Variants in NUFIP1 observed in about 807,000 individuals in gnomAD.
NUFIP1 encodes FMR1-interacting protein NUFIP1.
Under a neutral mutation model 56.2 loss-of-function variants are expected in NUFIP1, and 38 were observed. The ratio of observed to expected loss-of-function variants is 0.68; its 90% confidence interval spans 0.52 to 0.89. The LOEUF (loss-of-function observed/expected upper bound fraction) is 0.89, where lower values mean the gene tolerates loss of function less well. NUFIP1 is among the 40% of genes least tolerant of loss of function. The pLI, the probability that NUFIP1 is intolerant of heterozygous loss-of-function variation, is 0.00. For missense variants in NUFIP1, 567 were observed against 605.8 expected, an observed-to-expected ratio of 0.94 and a Z score of 0.67; for synonymous variants, 215 against 212.4, an observed-to-expected ratio of 1.01 and a Z score of -0.10.
chr13:44,972,648 A>G (rs1389093060), intron 5 of NUFIP1, among the ~76,000 whole-genome samples: 2 of 152,230 alleles, frequency 1.3e-5, no homozygotes, highest in Non-Finnish European at 2.9e-5. Context: ...ATATACATTA[A>G]GATAAACTGG....
chr13:44,976,937 T>G (rs1284356751), intron 5 of NUFIP1, among the ~76,000 whole-genome samples: 1 of 152,180 alleles, frequency 6.6e-6, no homozygotes, highest in East Asian at 1.9e-4. Context: ...CATGAATGAA[T>G]TAATCCATTT....
At chr13:44,970,175 T>G (rs1871752615) in intron 5 of NUFIP1, among the ~76,000 whole-genome samples, 1 of 152,210 alleles carries the variant, frequency 6.6e-6, no homozygotes, top group East Asian at 1.9e-4. Flanking sequence ...CATACAGCAT[T>G]GGTACTACAT....
chr13:44,945,030 A>G (rs1870863971), intron 8 of NUFIP1, among the ~76,000 whole-genome samples: 1 of 152,014 alleles, frequency 6.6e-6, no homozygotes, highest in African/African-American at 2.4e-5. Flanking sequence ...CTAAAAAGTG[A>G]AAATCAGTGG....
In NUFIP1 at chr13:44,939,945, C is replaced by A. The variant is rs1253810750; in HGVS notation, c.*1261G>T. ...CAAACTGTGTTATATTTTAGAATAT[C>A]AACTCAGTTGTAACACTAGTTACTT... On this transcript the variant is annotated 3_prime_UTR_variant, in exon 10 of 10. Coordinates refer to ENST00000379161, the MANE Select transcript of NUFIP1 (RefSeq NM_012345.3). 1 of 152,026 alleles carries A rather than the reference C, an allele frequency of 6.6e-6. No individual in the cohort carries two copies. The highest frequency in any genetic ancestry group is 1.5e-5 in the Non-Finnish European group (1 of 67,968). The allele number at this position is 152,026 out of a possible 1,614,324, so 9.4% of individuals were successfully genotyped here. A position where few individuals can be genotyped will look rare whatever the true frequency, so the allele number is the denominator to read the frequency against.
chr13:44,960,916 G>A (rs998583996), intron 6 of NUFIP1, among the ~76,000 whole-genome samples: 3 of 152,026 alleles, frequency 2.0e-5, no homozygotes, highest in African/African-American at 4.8e-5. Flanking sequence ...AGCTGGGCAC[G>A]GTAGCAGGTG....
Position 44,989,240 on chromosome 13 carries a change from T to C in NUFIP1, c.197A>G (p.Gln66Arg). The change falls in exon 1 of 10, where the codon CAG becomes CGG. Residue 66 changes from glutamine to arginine, a missense_variant. Transcript: ENST00000379161. ...AAGSKPSSES[Q>R]PPMEAQSLPG... ...GAGAGACTGGGCCTCCATGGGGGGC[T>C]GCGACTCAGAGGAAGGCTTTGACCC... 1 of 1,612,676 alleles carries C rather than the reference T, an allele frequency of 6.2e-7. No individual in the cohort carries two copies.
At chr13:44,963,500 G>A (rs370444539) in intron 6 of NUFIP1, among the ~76,000 whole-genome samples, 2 of 152,138 alleles carry the variant, frequency 1.3e-5, no homozygotes, top group African/African-American at 4.8e-5. Context: ...CATTAAGTAC[G>A]ATGTGGCTAC....
At chr13:44,960,911 G>C (rs566643453) in intron 6 of NUFIP1, among the ~76,000 whole-genome samples, 5 of 152,130 alleles carry the variant, frequency 3.3e-5, no homozygotes, top group Non-Finnish European at 7.4e-5. Flanking sequence ...AAATAAGCTG[G>C]GCACGGTAGC....
chr13:44,952,908 T>C (rs370442074), intron 7 of NUFIP1, among the ~76,000 whole-genome samples: 16 of 152,330 alleles, frequency 1.1e-4, no homozygotes, highest in African/African-American at 3.6e-4. Context: ...CTTGATACTT[T>C]GAAGATTATT....
At position 44,989,382 on chromosome 13, in the gene NUFIP1, C is replaced by A. The variant is rs1265846708; in HGVS notation, c.55G>T (p.Glu19Ter). 1 of 1,613,310 alleles carries A rather than the reference C, an allele frequency of 6.2e-7. No individual in the cohort carries two copies. The highest frequency in any genetic ancestry group is 1.3e-5 in the African/African-American group (1 of 74,874). The change falls in exon 1 of 10, where the codon GAG (glutamate) becomes TAG (stop). Residue 19 changes from glutamate (E) to a stop codon, truncating the protein, a stop_gained. Transcript: ENST00000379161. LOFTEE classifies it high-confidence loss of function. ...ETPIGWHASP[E>*]LTPTLGPLSD... ...AGGGGCCCTAACGTGGGAGTCAGCT[C>A]GGGAGACGCATGCCACCCGATAGGA... is the stretch of plus-strand genomic sequence containing the variant.
At position 44,949,936 on chromosome 13, in the gene NUFIP1, G is replaced by C. The variant is rs887897829; in HGVS notation, c.1022-98C>G. 28 of 794,888 alleles carry C rather than the reference G, an allele frequency of 3.5e-5. No homozygotes were observed. In the Admixed American group the frequency reaches 4.8e-4, roughly 14 times the overall value. The allele number at this position is 794,888 out of a possible 1,614,324, so 49.2% of individuals were successfully genotyped here. ...TGTTAGTGAAAATTAAGTAATTTCT[G>C]ATCATTTCCTTAATCTTTCCAAAAG... On this transcript the variant is annotated intron_variant, in intron 7 of 9. Transcript: ENST00000379161.
At chr13:44,959,323 C>G in intron 7 of NUFIP1, 58 bp downstream of exon 7, 1 of 1,464,566 alleles carries the variant, frequency 6.8e-7, no homozygotes, top group Non-Finnish European at 9.4e-7. Context: ...TGTGAATAAT[C>G]AACTTCAGCA....
intron 8 of NUFIP1, 87 bp downstream of exon 8, chr13:44,949,635 A>G (rs1871018445): frequency 1.4e-6 from 1 of 729,132 alleles, no homozygotes; most frequent in African/African-American, 1.8e-5. Context: ...TAAAGGATGC[A>G]CATCCTGGAT....
At chr13:44,973,541 G>C (rs1871874104) in intron 5 of NUFIP1, among the ~76,000 whole-genome samples, 1 of 152,076 alleles carries the variant, frequency 6.6e-6, no homozygotes, top group Admixed American at 6.6e-5. Flanking sequence ...CTATAACTAT[G>C]GCACTATGGG....
chr13:44,942,457 A>G (rs1870772514), intron 9 of NUFIP1, among the ~76,000 whole-genome samples: 1 of 152,224 alleles, frequency 6.6e-6, no homozygotes, highest in South Asian at 2.1e-4. Context: ...TACAAAATGG[A>G]GCGTATATTT....
chr13:44,981,131 A>T (rs1872173712), intron 2 of NUFIP1, among the ~76,000 whole-genome samples: 1 of 152,220 alleles, frequency 6.6e-6, no homozygotes, highest in Admixed American at 6.5e-5. Context: ...TGTTGAAATG[A>T]TCTGAAAATA....
At chr13:44,965,338 T>C (rs1871560622) in intron 6 of NUFIP1, among the ~76,000 whole-genome samples, 1 of 152,244 alleles carries the variant, frequency 6.6e-6, no homozygotes. Context: ...GGGTATGTCT[T>C]TATCAGCAGC....
intron 7 of NUFIP1, among the ~76,000 whole-genome samples, chr13:44,959,018 A>G (rs1398924221): frequency 1.3e-5 from 2 of 152,254 alleles, no homozygotes; most frequent in African/African-American, 4.8e-5. Context: ...GACTTCCGTT[A>G]GAATTGCTGC....
At chr13:44,974,678 A>G (rs1342694159) in intron 5 of NUFIP1, among the ~76,000 whole-genome samples, 3 of 152,132 alleles carry the variant, frequency 2.0e-5, no homozygotes, top group Non-Finnish European at 4.4e-5. Flanking sequence ...CGGTCTCCTG[A>G]GAGGCTTGGA....
Sources: allele counts gnomAD v4.1 joint callset (sites outside exome capture counted in the v4.1 genomes callset), GRCh38; gene constraint gnomAD v4.1.1; transcripts MANE v1.5; gene names NCBI Gene and HGNC (gene_info 2026-07-23, HGNC 2026-07-21).